Variants in POLI observed in about 807,000 individuals in gnomAD.
POLI encodes RAD30 homolog B.
In POLI, 58 loss-of-function variants were observed where a neutral mutation model predicts 51.6. That is an observed-to-expected ratio of 1.12 (90% CI 0.91 to 1.40). The LOEUF (loss-of-function observed/expected upper bound fraction) is 1.40, where lower values mean the gene tolerates loss of function less well. Among genes scored for constraint, POLI ranks in the 40% most tolerant of loss-of-function variants. POLI has a pLI of 0.00. For missense variants in POLI, 921 were observed against 871.3 expected (o/e 1.06, Z -0.72); for synonymous variants, 322 against 299.7 (o/e 1.07, Z -0.77).
Position 54,296,211 on chromosome 18 carries a change from G to A in POLI, c.*1744G>A, listed in dbSNP as rs1288130416. 2 of 985,300 alleles carry A rather than the reference G, an allele frequency of 2.0e-6. No individual in the cohort carries two copies. Among genetic ancestry groups the A allele is most frequent in the South Asian group, 4.7e-5 (1 of 21,284 alleles). 61.0% of individuals were successfully genotyped at this position (985,300 alleles called of 1,614,324 possible). On this transcript the variant is annotated 3_prime_UTR_variant, in exon 10 of 10. Coordinates refer to ENST00000579534, the MANE Select transcript of POLI (RefSeq NM_007195.3). ...TGTAATGATTTCAGGACCTTGGACAGCTAGAAGGGGCTTAAGAAAAAATGG... is the reference window on the plus strand; with the variant it reads ...TGTAATGATTTCAGGACCTTGGACAACTAGAAGGGGCTTAAGAAAAAATGG...
Position 54,296,252 on chromosome 18 carries a change from A to G in POLI, c.*1785A>G, listed in dbSNP as rs990341300. 76 of 985,314 alleles carry G rather than the reference A, an allele frequency of 7.7e-5. No individual in the cohort carries two copies. The highest frequency in any genetic ancestry group is 8.4e-5 in the Non-Finnish European group (70 of 829,914). The allele number at this position is 985,314 out of a possible 1,614,324, so 61.0% of individuals were successfully genotyped here. A position where few individuals can be genotyped will look rare whatever the true frequency, so the allele number is the denominator to read the frequency against. ...GAAAAAATGGCTAAGAAAACAAAGT[A>G]AATGGTTTTGGCCAGCTTAAAAAGA... is the stretch of plus-strand genomic sequence containing the variant. On this transcript the variant is annotated 3_prime_UTR_variant, in exon 10 of 10. Transcript: ENST00000579534.
Position 54,294,815 on chromosome 18 carries a change from AT to A in POLI, c.*364del, listed in dbSNP as rs34024782. Reference sequence around the variant, plus strand: ...GTTGCAATGATATGGTAAAGGACACATTTTTTTTTTTTTTTTCCTGTGAAAT... The same window carrying A: ...GTTGCAATGATATGGTAAAGGACACATTTTTTTTTTTTTTTCCTGTGAAAT... On this transcript the variant is annotated 3_prime_UTR_variant, in exon 10 of 10. Transcript: ENST00000579534. 0.12 allele frequency: 99,552 copies of A among 850,364 alleles called. 56 individuals carry two copies. Among genetic ancestry groups the A allele is most frequent in the Non-Finnish European group, 0.12 (88,607 of 710,492 alleles). 52.7% of individuals were successfully genotyped at this position (850,364 alleles called of 1,614,324 possible). A position where few individuals can be genotyped will look rare whatever the true frequency, so the allele number is the denominator to read the frequency against.
chr18:54,303,105 T>C (rs762684459), downstream of POLI, among the ~76,000 whole-genome samples: 1 of 152,198 alleles, frequency 6.6e-6, no homozygotes, highest in African/African-American at 2.4e-5. Context: ...TGATATATAG[T>C]CTTGCATTTA....
chr18:54,298,683 TGGG>T (rs1269638167), downstream of POLI, among the ~76,000 whole-genome samples: 1 of 149,258 alleles, frequency 6.7e-6, no homozygotes, highest in Non-Finnish European at 1.5e-5. Flanking sequence ...CTCCATCTCC[TGGG>T]TTCAAGTGAT....
chr18:54,302,255 A>T (rs2088505817), downstream of POLI, among the ~76,000 whole-genome samples: 1 of 152,158 alleles, frequency 6.6e-6, no homozygotes, highest in African/African-American at 2.4e-5. Flanking sequence ...GGGGAAAGGG[A>T]CTAGAAATCT....
In POLI at chr18:54,297,462, A is replaced by C. The variant is rs903162054; in HGVS notation, c.*2995A>C. 1 of 980,986 alleles carries C rather than the reference A, an allele frequency of 1.0e-6. No individual in the cohort carries two copies. The highest frequency in any genetic ancestry group is 1.8e-5 in the African/African-American group (1 of 57,128). The allele number at this position is 980,986 out of a possible 1,614,324, so 60.8% of individuals were successfully genotyped here. On this transcript the variant is annotated 3_prime_UTR_variant, in exon 10 of 10. Coordinates refer to ENST00000579534, the MANE Select transcript of POLI (RefSeq NM_007195.3). ...ATGAATTAAGAGGTCTCTTTTCTCC[A>C]AGATCTAGTGTTTTGTACTAGGAGA...
chr18:54,284,551 A>T (rs2087661283), intron 7 of POLI: 2 of 152,246 alleles, frequency 1.3e-5, no homozygotes, highest in Non-Finnish European at 2.9e-5. Context: ...CATAATTCTA[A>T]AACTCCTGAT....
rs1444164741 is a variant in POLI, at chr18:54,296,271, A to C, written c.*1804A>C. On this transcript the variant is annotated 3_prime_UTR_variant, in exon 10 of 10. Transcript: ENST00000579534. The stretch of plus-strand genomic sequence containing the variant: ...CAAAGTAAATGGTTTTGGCCAGCTT[A>C]AAAAGAGAAAGCAAAATAGTTAAAA... 1 of 985,314 alleles carries C rather than the reference A, an allele frequency of 1.0e-6. No individual in the cohort carries two copies. The highest frequency in any genetic ancestry group is 1.7e-5 in the African/African-American group (1 of 57,256). The allele number at this position is 985,314 out of a possible 1,614,324, so 61.0% of individuals were successfully genotyped here.
downstream of POLI, among the ~76,000 whole-genome samples, chr18:54,300,596 G>A (rs2088473903): frequency 6.6e-6 from 1 of 151,964 alleles, no homozygotes; most frequent in South Asian, 2.1e-4. Flanking sequence ...CAAATAGTAG[G>A]TTGGTACATT....
In POLI at chr18:54,293,850, C is replaced by A. The variant is rs1267737699; in HGVS notation, c.1606C>A (p.Pro536Thr). The change falls in exon 10 of 10, where the codon CCA (proline) becomes ACA (threonine). Residue 536 changes from proline to threonine, a missense_variant. Physicochemically the swap from Pro to Thr is conservative, Grantham distance 38. Coordinates refer to ENST00000579534, the MANE Select transcript of POLI (RefSeq NM_007195.3). ...TGACCAAGAAGTCTTCAAGCAGCTT[C>A]CAGTAGATATTCAAGAAGAAATCCT... ...GVDQEVFKQL[P>T]VDIQEEILSG... The A allele has an allele frequency of 6.2e-7, 1 of 1,610,762 alleles. No homozygotes were observed. The highest frequency in any genetic ancestry group is 8.5e-7 in the Non-Finnish European group (1 of 1,178,032).
In POLI at chr18:54,296,422, T is replaced by A. The variant is rs2088332479; in HGVS notation, c.*1955T>A. 2 of 932,082 alleles carry A rather than the reference T, an allele frequency of 2.1e-6. No individual in the cohort carries two copies. Among genetic ancestry groups the A allele is most frequent in the Non-Finnish European group, 2.6e-6 (2 of 781,332 alleles). 57.7% of individuals were successfully genotyped at this position (932,082 alleles called of 1,614,324 possible). A position where few individuals can be genotyped will look rare whatever the true frequency, so the allele number is the denominator to read the frequency against. ...TTTTTTATGGGATCTTTTTTCTCTG[T>A]TTTTAAGATTATCTCTTTTTTCTTT... On this transcript the variant is annotated 3_prime_UTR_variant, in exon 10 of 10. Transcript: ENST00000579534.
At chr18:54,279,741 T>C (rs533515510) in intron 4 of POLI, among the ~76,000 whole-genome samples, 1 of 152,214 alleles carries the variant, frequency 6.6e-6, no homozygotes, top group African/African-American at 2.4e-5. Flanking sequence ...CAACACTGTT[T>C]TACACCTAAA....
At chr18:54,285,244 A>G (rs1435210378) in intron 7 of POLI, among the ~76,000 whole-genome samples, 1 of 152,182 alleles carries the variant, frequency 6.6e-6, no homozygotes, top group East Asian at 1.9e-4. Flanking sequence ...CATTTGCTTC[A>G]GCTAAATAGA....
chr18:54,270,179 C>G (rs1448082640), intron 1 of POLI: 1 of 255,190 alleles, frequency 3.9e-6, no homozygotes, highest in Non-Finnish European at 6.2e-6. Context: ...TGTAAAGGCA[C>G]CGGTTCTCAT....
In POLI at chr18:54,294,567, T is replaced by C. The variant is rs529413311; in HGVS notation, c.*100T>C. ...ATATTAAACACTAATAGATATTCAA[T>C]AACGGAGTAAACTGTTCCAGATAAA... On this transcript the variant is annotated 3_prime_UTR_variant, in exon 10 of 10. Coordinates refer to ENST00000579534, the MANE Select transcript of POLI (RefSeq NM_007195.3). 4.3e-6 allele frequency: 6 copies of C among 1,400,302 alleles called. No homozygotes were observed. The African/African-American group carries it at 8.7e-5, about 20-fold the overall frequency. The allele number at this position is 1,400,302 out of a possible 1,614,324, so 86.7% of individuals were successfully genotyped here.
chr18:54,288,643 T>A (rs2087857280), intron 8 of POLI, among the ~76,000 whole-genome samples: 1 of 152,064 alleles, frequency 6.6e-6, no homozygotes, highest in Non-Finnish European at 1.5e-5. Flanking sequence ...TAGTCTTTTT[T>A]TTTTTCCGTT....
At chr18:54,274,430 G>A (rs1258515807) in intron 3 of POLI, among the ~76,000 whole-genome samples, 3 of 151,950 alleles carry the variant, frequency 2.0e-5, no homozygotes, top group Admixed American at 1.3e-4. Flanking sequence ...AATGAATTAC[G>A]AAGAAATATG....
exon 5 of POLI, chr18:54,321,075 A>C (rs1322326648): frequency 2.0e-5 from 3 of 152,158 alleles, no homozygotes; most frequent in Non-Finnish European, 2.9e-5. Context: ...GATTCATGTG[A>C]CCACGCCACA....
chr18:54,274,586 C>T (rs901610982), intron 3 of POLI, among the ~76,000 whole-genome samples: 1 of 151,596 alleles, frequency 6.6e-6, no homozygotes, highest in African/African-American at 2.4e-5. Flanking sequence ...CTAAATATTA[C>T]AATGTAGCTA....
Sources: gnomAD v4.1 joint callset for allele counts (sites outside exome capture counted in the v4.1 genomes callset) on GRCh38, gnomAD v4.1.1 for gene constraint, MANE v1.5 for transcripts, NCBI Gene and HGNC (gene_info 2026-07-23, HGNC 2026-07-21) for gene names.